LOC728743: variants seen among roughly 807,000 people sequenced by gnomAD.
the LOC728743 span, among the ~76,000 whole-genome samples, chr7:150,403,495 T>G: frequency 6.6e-6 from 1 of 152,218 alleles, no homozygotes; most frequent in Non-Finnish European, 1.5e-5. The surrounding 1 kb of genome is among the most constrained non-coding windows in gnomAD (Gnocchi z 5.1). Flanking sequence ...TGTCCCCATT[T>G]CTCTTATGGT....
the LOC728743 span, chr7:150,410,246 G>T: frequency 2.5e-6 from 1 of 398,716 alleles, no homozygotes; most frequent in Non-Finnish European, 4.4e-6. Flanking sequence ...TGGAGGCCTG[G>T]CTGGCACTGC....
At chr7:150,401,005 C>T in the LOC728743 span, 3 of 152,126 alleles carry the variant, frequency 2.0e-5, no homozygotes, top group Admixed American at 2.0e-4. Flanking sequence ...TTTCCAAGGC[C>T]AGGTAAGTGC....
At chr7:150,408,529 G>C in the LOC728743 span, 1 of 255,646 alleles carries the variant, frequency 3.9e-6, no homozygotes, top group Non-Finnish European at 7.4e-6. Context: ...CTCAGGGCTG[G>C]GAGTGGTGGG....
At chr7:150,406,172 G>C in the LOC728743 span, among the ~76,000 whole-genome samples, 1 of 152,196 alleles carries the variant, frequency 6.6e-6, no homozygotes, top group Non-Finnish European at 1.5e-5. Flanking sequence ...TCGAGGGTAC[G>C]GAAGACAGAG....
the LOC728743 span, among the ~76,000 whole-genome samples, chr7:150,402,462 C>T: frequency 1.6e-4 from 24 of 152,332 alleles, no homozygotes; most frequent in South Asian, 1.9e-3. Context: ...CTCTCTGCGC[C>T]GCCTGAGCTA....
the LOC728743 span, chr7:150,407,885 G>A: frequency 1.2e-5 from 5 of 422,622 alleles, no homozygotes; most frequent in African/African-American, 6.1e-5. Context: ...CACGCACACC[G>A]GGGAGCGGCC....
chr7:150,410,390 G>A, the LOC728743 span: 3 of 388,624 alleles, frequency 7.7e-6, no homozygotes, highest in East Asian at 7.3e-5. Flanking sequence ...CTCCAGGCCT[G>A]GTGGGAATCA....
At chr7:150,410,172 C>T in the LOC728743 span, 1 of 398,628 alleles carries the variant, frequency 2.5e-6, no homozygotes, top group Non-Finnish European at 4.4e-6. Flanking sequence ...GCAGAGTGGG[C>T]AGGATCTTAA....
the LOC728743 span, among the ~76,000 whole-genome samples, chr7:150,402,162 G>A: frequency 1.3e-5 from 2 of 152,214 alleles, no homozygotes; most frequent in Non-Finnish European, 2.9e-5. Context: ...GGAAAAAAGG[G>A]TTTTTCCCTT....
chr7:150,406,277 T>C, the LOC728743 span, among the ~76,000 whole-genome samples: 1 of 152,148 alleles, frequency 6.6e-6, no homozygotes, highest in Non-Finnish European at 1.5e-5. Context: ...TTCAGCCGGC[T>C]TCCCTGATGG....
chr7:150,401,285 C>T, the LOC728743 span, among the ~76,000 whole-genome samples: 1 of 152,176 alleles, frequency 6.6e-6, no homozygotes, highest in Non-Finnish European at 1.5e-5. Flanking sequence ...AGGCAGTCGG[C>T]CTCATTGAGA....
At chr7:150,402,757 G>A in the LOC728743 span, among the ~76,000 whole-genome samples, 80 of 152,312 alleles carry the variant, frequency 5.3e-4, no homozygotes, top group East Asian at 0.014. Flanking sequence ...CCCTAGGGAC[G>A]CAGCCCTACA....
the LOC728743 span, chr7:150,411,135 G>A: frequency 6.6e-6 from 1 of 152,332 alleles, no homozygotes; most frequent in Non-Finnish European, 1.5e-5. Flanking sequence ...CTTTGCTCCT[G>A]GCCTGGGCTC....
At chr7:150,409,021 G>A in the LOC728743 span, among the ~76,000 whole-genome samples, 1 of 152,140 alleles carries the variant, frequency 6.6e-6, no homozygotes, top group African/African-American at 2.4e-5. Flanking sequence ...TCTGGGGTGA[G>A]ACCGAGGAGG....
At chr7:150,401,444 G>A in the LOC728743 span, among the ~76,000 whole-genome samples, 1 of 152,226 alleles carries the variant, frequency 6.6e-6, no homozygotes, top group African/African-American at 2.4e-5. Flanking sequence ...ATGGGTGGGA[G>A]TGGGGGATGT....
At chr7:150,410,921 C>G in the LOC728743 span, 1 of 152,366 alleles carries the variant, frequency 6.6e-6, no homozygotes, top group African/African-American at 2.4e-5. Flanking sequence ...CCTGGCCAAG[C>G]CTCCTTCCCT....
the LOC728743 span, among the ~76,000 whole-genome samples, chr7:150,402,533 G>T: frequency 6.6e-6 from 1 of 152,234 alleles, no homozygotes; most frequent in African/African-American, 2.4e-5. Flanking sequence ...AGGACCTATT[G>T]TATGCTGGAC....
At chr7:150,402,514 C>T in the LOC728743 span, among the ~76,000 whole-genome samples, 4 of 152,272 alleles carry the variant, frequency 2.6e-5, no homozygotes, top group African/African-American at 9.6e-5. Context: ...ATTCAACAGA[C>T]ATCGACTGAG....
chr7:150,409,374 G>T, the LOC728743 span, among the ~76,000 whole-genome samples: 1 of 152,274 alleles, frequency 6.6e-6, no homozygotes, highest in Admixed American at 6.5e-5. Flanking sequence ...AGAACATAAG[G>T]CCCCCAGCTA....
Sources: allele counts gnomAD v4.1 joint callset (sites outside exome capture counted in the v4.1 genomes callset), GRCh38; gene constraint gnomAD v4.1.1; non-coding constraint Gnocchi (gnomAD v3.1); transcripts MANE v1.5.